TCN2: variants seen among roughly 807,000 people sequenced by gnomAD.
TCN2 encodes transcobalamin-2.
In TCN2, 34 loss-of-function variants were observed where a neutral mutation model predicts 48.6. That is an observed-to-expected ratio of 0.70 (90% confidence interval 0.53 to 0.93). The LOEUF (loss-of-function observed/expected upper bound fraction) is 0.93. Ranked by LOEUF, TCN2 falls within the 40% of genes least tolerant of loss-of-function variation. The pLI is 0.00. For synonymous variants in TCN2, 283 were observed against 212.5 expected (o/e 1.33, Z -2.89); for missense variants, 652 against 526.1 (o/e 1.24, Z -2.34).
chr22:30,608,330 T>C (rs2087483716), intron 1 of TCN2, among the ~76,000 whole-genome samples: 1 of 152,212 alleles, frequency 6.6e-6, no homozygotes, highest in African/African-American at 2.4e-5. Context: ...CTCAGGGTGC[T>C]CCACCTTTTC....
chr22:30,621,189 C>T (rs1177289446), intron 7 of TCN2, among the ~76,000 whole-genome samples: 1 of 152,088 alleles, frequency 6.6e-6, no homozygotes, highest in Non-Finnish European at 1.5e-5. Flanking sequence ...AATAGGGTTT[C>T]ACCATGTGAG....
chr22:30,621,941 A>T (rs1219210778), intron 7 of TCN2, among the ~76,000 whole-genome samples: 1 of 152,152 alleles, frequency 6.6e-6, no homozygotes, highest in Admixed American at 6.5e-5. Context: ...AGCCCTGATC[A>T]TGCTGCTTTC....
rs2087582119 is a variant in TCN2 at position 30,614,374 on chromosome 22, C to T, written c.453C>T (p.His151=). The change falls in exon 4 of 9, where the codon CAC becomes CAT. Residue 151 remains histidine, a synonymous_variant. Transcript: ENST00000215838. The stretch of plus-strand genomic sequence containing the variant: ...GGCATGATCACAAGGGCCACCCCCA[C>T]ACTAGCTACTACCAGTATGGCCTGG... The part of the protein sequence containing the change: ...AIGHDHKGHP[H]TSYYQYGLGI... The T allele has an allele frequency of 1.2e-6, 2 of 1,614,080 alleles. No homozygotes were observed. The highest frequency in any genetic ancestry group is 1.7e-6 in the Non-Finnish European group (2 of 1,180,032).
chr22:30,616,827 G>A (rs887037904), intron 6 of TCN2, among the ~76,000 whole-genome samples: 14 of 152,156 alleles, frequency 9.2e-5, no homozygotes, highest in Admixed American at 6.6e-5. Flanking sequence ...GGATAGAGTG[G>A]AGCCAAGAAG....
chr22:30,610,405 G>C (rs1445797504), intron 1 of TCN2: 1 of 411,690 alleles, frequency 2.4e-6, no homozygotes, highest in Non-Finnish European at 5.0e-6. Context: ...GGGCACCAAA[G>C]AGCGGGGGCT....
At chr22:30,610,787 T>G in intron 1 of TCN2, 84 bp from the exon 2 acceptor site, 1 of 1,471,218 alleles carries the variant, frequency 6.8e-7, no homozygotes, top group South Asian at 1.1e-5. Context: ...ATGTATTCTC[T>G]GGAGAAGGCC....
At chr22:30,624,006 G>A (rs1448350951) in intron 8 of TCN2, among the ~76,000 whole-genome samples, 8 of 63,142 alleles carry the variant, frequency 1.3e-4, no homozygotes, top group Admixed American at 3.0e-4. Flanking sequence ...ACATATATAT[G>A]TATACATATA....
At chr22:30,607,447 G>C in intron 1 of TCN2, 52 bp downstream of exon 1, 1 of 1,606,506 alleles carries the variant, frequency 6.2e-7, no homozygotes, top group Non-Finnish European at 8.5e-7. Context: ...TCCTTAGTGG[G>C]GTGGCTAGGG....
At chr22:30,615,845 G>A (rs1056122098) in intron 6 of TCN2, 58 bp downstream of exon 6, 196 of 1,600,254 alleles carry the variant, frequency 1.2e-4, no homozygotes, top group African/African-American at 1.1e-3. Context: ...ACCCATTGAC[G>A]TCCCAGTGAG....
intron 8 of TCN2, among the ~76,000 whole-genome samples, chr22:30,625,456 A>G (rs1053373377): frequency 2.6e-5 from 4 of 151,838 alleles, no homozygotes; most frequent in African/African-American, 7.3e-5. Context: ...CTCTTTTATA[A>G]TGGTACTTAA....
chr22:30,620,685 A>G (rs79657845), intron 7 of TCN2, among the ~76,000 whole-genome samples: 2,088 of 152,360 alleles, frequency 0.014, 37 homozygotes, highest in African/African-American at 0.048. Flanking sequence ...AAAGACAATT[A>G]GAATTTAACG....
intron 8 of TCN2, among the ~76,000 whole-genome samples, chr22:30,624,818 C>T (rs1187919840): frequency 6.6e-6 from 1 of 152,226 alleles, no homozygotes; most frequent in Non-Finnish European, 1.5e-5. Context: ...ACTCCTCTAT[C>T]TTCCTTGGGG....
At chr22:30,613,278 T>C (rs916762292) in intron 3 of TCN2, among the ~76,000 whole-genome samples, 4 of 151,954 alleles carry the variant, frequency 2.6e-5, no homozygotes, top group African/African-American at 9.7e-5. Context: ...TTTTTGTTTT[T>C]TGTTTGTTTG....
chr22:30,626,469 A>G lies in TCN2; in HGVS notation c.1232A>G (p.Asp411Gly), dbSNP rs776587089. ...PNTPLLQGIA[D>G]YRPKDGETIE... ...CAATCTGTTTCTGCAGGTATTGCTG[A>G]CTACAGACCCAAGGATGGAGAAACC... The change falls in exon 9 of 9, where the codon GAC becomes GGC. Residue 411 changes from aspartate to glycine, a missense_variant. Coordinates refer to ENST00000215838, the MANE Select transcript of TCN2 (RefSeq NM_000355.4). 11 of 1,613,978 alleles carry G rather than the reference A, an allele frequency of 6.8e-6. No homozygotes were observed. The highest frequency in any genetic ancestry group is 8.5e-7 in the Non-Finnish European group (1 of 1,180,024).
At chr22:30,614,029 A>C (rs1482301542) in intron 3 of TCN2, among the ~76,000 whole-genome samples, 1 of 152,006 alleles carries the variant, frequency 6.6e-6, no homozygotes, top group Non-Finnish European at 1.5e-5. Context: ...CTCCTTGGAG[A>C]ATCCTGCCTT....
At chr22:30,622,855 G>A (rs771391858) in intron 7 of TCN2, 113 bp from the exon 8 acceptor site, 157 of 1,111,660 alleles carry the variant, frequency 1.4e-4, no homozygotes, top group South Asian at 5.2e-4. Flanking sequence ...AGGGTTTGAC[G>A]AGTGTCGGCC....
Position 30,627,021 on chromosome 22 carries a change from C to T in TCN2, c.*500C>T, listed in dbSNP as rs926920412. On this transcript the variant is annotated 3_prime_UTR_variant, in exon 9 of 9. Coordinates refer to ENST00000215838, the MANE Select transcript of TCN2 (RefSeq NM_000355.4). ...CCTCAGCAGGGCTGCTCAGTGCCTGCCTCTGACAAAATTAAAGCATTGATG... is the reference window on the plus strand; with the variant it reads ...CCTCAGCAGGGCTGCTCAGTGCCTGTCTCTGACAAAATTAAAGCATTGATG... The T allele has an allele frequency of 1.0e-5, 2 of 198,578 alleles. No individual in the cohort carries two copies. Among genetic ancestry groups the T allele is most frequent in the Non-Finnish European group, 2.1e-5 (2 of 95,220 alleles). The allele number at this position is 198,578 out of a possible 1,614,324, so 12.3% of individuals were successfully genotyped here. A position where few individuals can be genotyped will look rare whatever the true frequency, so the allele number is the denominator to read the frequency against.
At chr22:30,619,387 G>T (rs1372551587) in intron 7 of TCN2, among the ~76,000 whole-genome samples, 1 of 152,194 alleles carries the variant, frequency 6.6e-6, no homozygotes, top group South Asian at 2.1e-4. Flanking sequence ...GCCAGAATAA[G>T]AACTTTTATT....
At position 30,623,975 on chromosome 22, in the gene TCN2, T is replaced by TGTATACATATATACACATAC; in HGVS notation, c.1222+892_1222+893insGTATACATATATACACATAC. 1.3e-4 allele frequency among the ~76,000 whole-genome samples: 2 copies of TGTATACATATATACACATAC among 15,606 alleles called. 1 individual carries two copies. The highest frequency in any genetic ancestry group is 6.4e-4 in the African/African-American group (2 of 3,136). 10.2% of individuals were successfully genotyped at this position (15,606 alleles called of 152,430 possible). A position where few individuals can be genotyped will look rare whatever the true frequency, so the allele number is the denominator to read the frequency against. Reference sequence around the variant, plus strand: ...ATGTATACATATATACACACACATATATATGTATACATATATACACACATA... The same window carrying TGTATACATATATACACATAC: ...ATGTATACATATATACACACACATATGTATACATATATACACATACATATGTATACATATATACACACATA... On this transcript the variant is annotated intron_variant, in intron 8 of 8. Transcript: ENST00000215838.
Sources: gnomAD v4.1 joint callset for allele counts (sites outside exome capture counted in the v4.1 genomes callset) on GRCh38, gnomAD v4.1.1 for gene constraint, MANE v1.5 for transcripts, NCBI Gene and HGNC (gene_info 2026-07-23, HGNC 2026-07-21) for gene names.